NPAS2: variants seen among roughly 807,000 people sequenced by gnomAD.
NPAS2 encodes neuronal PAS domain protein 2, also known as neuronal PAS domain-containing protein 2.
A neutral mutation model predicts 107.5 loss-of-function variants in NPAS2; 23 were observed. The observed-to-expected ratio is 0.21, with a 90% CI of 0.15 to 0.30. The LOEUF (loss-of-function observed/expected upper bound fraction) is 0.30. NPAS2 is among the 10% of genes least tolerant of loss of function. The probability of loss-of-function intolerance (pLI) is 1.00; values close to 1 mark genes in which losing one functional copy is unlikely to be tolerated. For synonymous variants in NPAS2, 403 were observed against 417.5 expected (o/e 0.97, Z 0.42); for missense variants, 756 against 1,043.3 (o/e 0.72, Z 3.79).
intron 2 of NPAS2, among the ~76,000 whole-genome samples, chr2:100,910,590 G>A (rs141329409): frequency 0.012 from 1,807 of 150,404 alleles, 47 homozygotes; most frequent in African/African-American, 0.042. Flanking sequence ...GTGCAATGGC[G>A]TGATCTCAGC....
chr2:100,971,669 C>G (rs1315735927), intron 12 of NPAS2, among the ~76,000 whole-genome samples: 1 of 152,136 alleles, frequency 6.6e-6, no homozygotes, highest in Non-Finnish European at 1.5e-5. Flanking sequence ...AAAGGCCTTC[C>G]CTCCACAGAG....
intron 5 of NPAS2, among the ~76,000 whole-genome samples, chr2:100,946,436 A>C (rs1422261059): frequency 9.9e-5 from 15 of 152,180 alleles, no homozygotes. Flanking sequence ...TTCGTTAAAC[A>C]CAAGGGGAGG....
intron 1 of NPAS2, among the ~76,000 whole-genome samples, chr2:100,873,360 ATG>A (rs200742088): frequency 7.0e-5 from 10 of 143,096 alleles, no homozygotes; most frequent in African/African-American, 2.6e-4. Context: ...ATACACACAT[ATG>A]TGTATATATA....
rs1366466641 is a variant in NPAS2 at position 100,820,991 on chromosome 2, G to GC, written c.-23+584dup. 106 of 1,260,162 alleles carry GC rather than the reference G, an allele frequency of 8.4e-5. No homozygotes were observed. Among genetic ancestry groups the GC allele is most frequent in the Middle Eastern group, 4.5e-4 (2 of 4,482 alleles). The allele number at this position is 1,260,162 out of a possible 1,614,324, so 78.1% of individuals were successfully genotyped here. A position where few individuals can be genotyped will look rare whatever the true frequency, so the allele number is the denominator to read the frequency against. On this transcript the variant is annotated intron_variant, in intron 1 of 20. Transcript: ENST00000335681. This position sits in a 1 kb window ranked among gnomAD's most constrained non-coding sequence, Gnocchi z 5.6. ...CAGCCTGGCTCCTCACGTCGCTGCC[G>GC]CCCCCCCACCCCAACTCCGGAGCTC... is the stretch of plus-strand genomic sequence containing the variant.
chr2:100,867,573 G>A (rs1679331177), intron 1 of NPAS2, among the ~76,000 whole-genome samples: 1 of 152,178 alleles, frequency 6.6e-6, no homozygotes, highest in East Asian at 1.9e-4. Context: ...TAAGTTTTCT[G>A]TTTTTAGATT....
chr2:100,843,099 G>A (rs1324702274), intron 1 of NPAS2, among the ~76,000 whole-genome samples: 4 of 151,856 alleles, frequency 2.6e-5, no homozygotes, highest in Non-Finnish European at 4.4e-5. Flanking sequence ...CATGCCTGTA[G>A]TCCCAGCTAC....
chr2:100,992,938 T>C (rs1453152139), intron 19 of NPAS2, among the ~76,000 whole-genome samples: 1 of 152,076 alleles, frequency 6.6e-6, no homozygotes, highest in African/African-American at 2.4e-5. Context: ...TTCTTTTTTT[T>C]TTTTGCTTTG....
In NPAS2 at chr2:100,949,034, A is replaced by G. The variant is rs77372751; in HGVS notation, c.485-333A>G. Among the ~76,000 whole-genome samples, 466 of 152,352 alleles carry G rather than the reference A, an allele frequency of 3.1e-3. 3 individuals carry two copies. The highest frequency in any genetic ancestry group is 2.6e-3 in the Non-Finnish European group (179 of 68,040). ...CAAAGCAAAGCAAAAAGATTAAATT[A>G]AAGGGAGCAGCTCTATATGAGCCGC... On this transcript the variant is annotated intron_variant, in intron 6 of 20. Coordinates refer to ENST00000335681, the MANE Select transcript of NPAS2 (RefSeq NM_002518.4).
At chr2:100,944,319 A>AGG (rs1171027730) in intron 5 of NPAS2, among the ~76,000 whole-genome samples, 9 of 152,160 alleles carry the variant, frequency 5.9e-5, no homozygotes, top group Admixed American at 5.2e-4. Context: ...GTGTCCATCC[A>AGG]GCCTACTTCC....
chr2:100,899,084 C>A (rs919798310), intron 1 of NPAS2, among the ~76,000 whole-genome samples: 1 of 152,186 alleles, frequency 6.6e-6, no homozygotes, highest in Non-Finnish European at 1.5e-5. Flanking sequence ...GCCTGAGAAA[C>A]TCGCAGAGCC....
chr2:100,871,923 C>G (rs1243665972), intron 1 of NPAS2, among the ~76,000 whole-genome samples: 1 of 152,164 alleles, frequency 6.6e-6, no homozygotes, highest in Non-Finnish European at 1.5e-5. Flanking sequence ...TCTTCTGTTG[C>G]AGACCCTTTG....
chr2:100,861,986 T>C (rs997195951), intron 1 of NPAS2, among the ~76,000 whole-genome samples: 2 of 152,206 alleles, frequency 1.3e-5, no homozygotes, highest in Non-Finnish European at 2.9e-5. Flanking sequence ...TATATGTATG[T>C]ATACATATGT....
rs190367166 is a variant in NPAS2, at chr2:100,843,109, C to T, written c.-23+22695C>T. On this transcript the variant is annotated intron_variant, in intron 1 of 20. Transcript: ENST00000335681. ...TGGTGCATGCCTGTAGTCCCAGCTA[C>T]TCGGGAGGCTGAGGCAGGAGGATCG... 4.2e-3 allele frequency among the ~76,000 whole-genome samples: 646 copies of T among 152,016 alleles called. 5 individuals are homozygous for T. The highest frequency in any genetic ancestry group is 0.021 in the East Asian group (110 of 5,142).
chr2:100,899,104 C>CT (rs1361418129), intron 1 of NPAS2, among the ~76,000 whole-genome samples: 1 of 152,060 alleles, frequency 6.6e-6, no homozygotes, highest in East Asian at 1.9e-4. Context: ...CAAGGGGTGT[C>CT]TAAGGAGATG....
At chr2:100,985,990 T>C (rs1404579162) in intron 16 of NPAS2, 1 of 152,190 alleles carries the variant, frequency 6.6e-6, no homozygotes, top group Non-Finnish European at 1.5e-5. Context: ...GGTAATTGGG[T>C]TTGACTACTA....
rs753188503 is a variant in NPAS2, at chr2:100,965,641, C to T, written c.801-19C>T. ...GGGTGTCTCCTCCCTGATGACAAGT[C>T]CTCCTTGTCCTTGTGCAGAGCACCT... On this transcript the variant is annotated intron_variant, in intron 9 of 20. Transcript: ENST00000335681. The surrounding 1 kb of genome is among the most constrained non-coding windows in gnomAD (Gnocchi z 4.3). 10 of 1,558,520 alleles carry T rather than the reference C, an allele frequency of 6.4e-6. No individual in the cohort carries two copies. The Admixed American group carries it at 1.5e-4, about 24-fold the overall frequency.
chr2:100,839,392 G>C (rs978866761), intron 1 of NPAS2, among the ~76,000 whole-genome samples: 1 of 152,170 alleles, frequency 6.6e-6, no homozygotes, highest in African/African-American at 2.4e-5. Context: ...GCCTCCCAAA[G>C]TGCTGGGATT....
At chr2:100,918,131 T>G (rs1361977752) in intron 2 of NPAS2, among the ~76,000 whole-genome samples, 2 of 151,734 alleles carry the variant, frequency 1.3e-5, no homozygotes, top group Non-Finnish European at 2.9e-5. Flanking sequence ...TATTCAGAAT[T>G]CAAAAATCAA....
At chr2:100,904,935 C>T (rs1441726771) in intron 2 of NPAS2, 149 bp downstream of exon 2, 2 of 649,638 alleles carry the variant, frequency 3.1e-6, no homozygotes, top group African/African-American at 1.8e-5. Context: ...TATTGCAGTG[C>T]TCCATGAGAA....
Sources: gnomAD v4.1 joint callset for allele counts (sites outside exome capture counted in the v4.1 genomes callset) on GRCh38, gnomAD v4.1.1 for gene constraint, Gnocchi (gnomAD v3.1) non-coding constraint, MANE v1.5 for transcripts, NCBI Gene and HGNC (gene_info 2026-07-23, HGNC 2026-07-21) for gene names.